ASZ1: variants seen among roughly 807,000 people sequenced by gnomAD.
ASZ1 encodes the protein ankyrin repeat, SAM and basic leucine zipper domain-containing protein 1.
In ASZ1, 67 loss-of-function variants were observed where a neutral mutation model predicts 61.8. The ratio of observed to expected loss-of-function variants is 1.08; its 90% CI spans 0.89 to 1.33. The LOEUF is 1.33. ASZ1 is among the 40% of genes most tolerant of loss of function. The pLI, the probability that ASZ1 is intolerant of heterozygous loss-of-function variation, is 0.00. For missense variants in ASZ1, 577 were observed against 554.5 expected (o/e 1.04, Z -0.41); for synonymous variants, 193 against 192.7 (o/e 1.00, Z -0.01).
intron 4 of ASZ1, among the ~76,000 whole-genome samples, chr7:117,402,796 A>C (rs1191518588): frequency 1.3e-5 from 2 of 152,054 alleles, no homozygotes; most frequent in Non-Finnish European, 2.9e-5. Context: ...GAACAACTTG[A>C]CTTTAGTCTT....
At chr7:117,399,026 C>T (rs779706171) in intron 4 of ASZ1, among the ~76,000 whole-genome samples, 11 of 152,174 alleles carry the variant, frequency 7.2e-5, no homozygotes, top group Admixed American at 3.3e-4. Context: ...CCCAGGAGTT[C>T]GAAACCAGAC....
intron 2 of ASZ1, 41 bp downstream of exon 2, chr7:117,426,795 A>G (rs1242544066): frequency 2.0e-6 from 3 of 1,510,776 alleles, no homozygotes. Flanking sequence ...TTGCGAACTT[A>G]AGACAGCTGT....
intron 10 of ASZ1, among the ~76,000 whole-genome samples, chr7:117,376,099 C>T (rs548661050): frequency 1.8e-4 from 28 of 151,834 alleles, no homozygotes; most frequent in African/African-American, 5.6e-4. Flanking sequence ...AGACAGAAAT[C>T]GCCAATATAA....
chr7:117,423,232 G>GT (rs1260789332), intron 2 of ASZ1, among the ~76,000 whole-genome samples: 34 of 150,738 alleles, frequency 2.3e-4, no homozygotes, highest in South Asian at 8.4e-4. Context: ...GTATTTTGTT[G>GT]TTTTTTTTTA....
chr7:117,380,081 A>G, intron 9 of ASZ1, 34 bp from the exon 10 acceptor site: 1 of 1,370,778 alleles, frequency 7.3e-7, no homozygotes, highest in South Asian at 1.3e-5. Flanking sequence ...ACAGTAAGTT[A>G]GTTATACTTG....
At chr7:117,403,220 TTCA>T (rs2116504888) in intron 4 of ASZ1, among the ~76,000 whole-genome samples, 1 of 152,310 alleles carries the variant, frequency 6.6e-6, no homozygotes, top group East Asian at 1.9e-4. Context: ...CTGTCCTATT[TTCA>T]TCAGAAGGGA....
intron 6 of ASZ1, among the ~76,000 whole-genome samples, chr7:117,383,764 G>A (rs962039034): frequency 6.6e-6 from 1 of 151,904 alleles, no homozygotes; most frequent in East Asian, 1.9e-4. Flanking sequence ...CTTATGTCAA[G>A]TTTGGTGTCA....
chr7:117,369,679 T>C (rs1192687088), intron 10 of ASZ1, among the ~76,000 whole-genome samples: 4 of 152,156 alleles, frequency 2.6e-5, no homozygotes, highest in African/African-American at 9.7e-5. Context: ...TGGTGATGGA[T>C]TGTACGTAAT....
intron 4 of ASZ1, among the ~76,000 whole-genome samples, chr7:117,408,284 G>A (rs1421291271): frequency 6.6e-6 from 1 of 152,072 alleles, no homozygotes; most frequent in Non-Finnish European, 1.5e-5. Context: ...AAGGCTTTCA[G>A]AAGTTCTAGT....
At chr7:117,420,838 A>T (rs949759070) in intron 3 of ASZ1, among the ~76,000 whole-genome samples, 3 of 152,214 alleles carry the variant, frequency 2.0e-5, no homozygotes, top group Non-Finnish European at 4.4e-5. Flanking sequence ...TAAATTAAAC[A>T]CAAAAAACAC....
At chr7:117,420,023 A>C (rs568181208) in intron 4 of ASZ1, 140 bp downstream of exon 4, 1 of 559,600 alleles carries the variant, frequency 1.8e-6, no homozygotes, top group East Asian at 2.9e-5. Flanking sequence ...AATCTTATAG[A>C]ATTGGAACAA....
intron 2 of ASZ1, among the ~76,000 whole-genome samples, chr7:117,425,358 C>T (rs1335933209): frequency 1.3e-5 from 2 of 150,426 alleles, no homozygotes; most frequent in East Asian, 2.0e-4. Flanking sequence ...CTCCGCCTCC[C>T]GGGTTCACGC....
intron 4 of ASZ1, among the ~76,000 whole-genome samples, chr7:117,419,256 T>C (rs1246554104): frequency 5.9e-5 from 9 of 152,182 alleles, no homozygotes; most frequent in African/African-American, 1.2e-4. Flanking sequence ...AAAGGCCAAA[T>C]AGACCTTGCT....
At chr7:117,389,860 A>G (rs983548287) in intron 4 of ASZ1, among the ~76,000 whole-genome samples, 1 of 152,106 alleles carries the variant, frequency 6.6e-6, no homozygotes, top group Non-Finnish European at 1.5e-5. Flanking sequence ...CGTTTCTCCT[A>G]TTCTTGGTTT....
chr7:117,379,160 TATATATATACAC>T (rs1796200929), intron 10 of ASZ1, among the ~76,000 whole-genome samples: 1 of 56,446 alleles, frequency 1.8e-5, no homozygotes, highest in African/African-American at 1.2e-4. Flanking sequence ...TATATATATA[TATATATATACAC>T]ACACACACAC....
At chr7:117,421,357 T>C (rs1797096421) in intron 3 of ASZ1, among the ~76,000 whole-genome samples, 1 of 152,010 alleles carries the variant, frequency 6.6e-6, no homozygotes, top group South Asian at 2.1e-4. Context: ...AGACTATAAG[T>C]GTGTGCCACC....
intron 4 of ASZ1, among the ~76,000 whole-genome samples, chr7:117,411,668 TA>T (rs1206493521): frequency 1.3e-5 from 2 of 151,812 alleles, no homozygotes; most frequent in African/African-American, 4.8e-5. Flanking sequence ...TTATCATCGT[TA>T]TGGCAAACAA....
intron 4 of ASZ1, among the ~76,000 whole-genome samples, chr7:117,410,441 T>G (rs1362300365): frequency 6.6e-6 from 1 of 151,686 alleles, no homozygotes; most frequent in Non-Finnish European, 1.5e-5. Flanking sequence ...TTTTGCTTAA[T>G]TTTAACAATG....
At chr7:117,420,423 C>T (rs1797079492) in intron 3 of ASZ1, 149 bp from the exon 4 acceptor site, 1 of 529,746 alleles carries the variant, frequency 1.9e-6, no homozygotes, top group African/African-American at 1.9e-5. Flanking sequence ...CTTTGTCTTC[C>T]TTCATCGAAA....
Sources: allele counts gnomAD v4.1 joint callset (sites outside exome capture counted in the v4.1 genomes callset), GRCh38; gene constraint gnomAD v4.1.1; transcripts MANE v1.5; gene names NCBI Gene and HGNC (gene_info 2026-07-23, HGNC 2026-07-21).